ANOS1: variants seen among roughly 807,000 people sequenced by gnomAD.
ANOS1 encodes the protein anosmin 1, also known as anosmin-1.
ANOS1 carries 6 observed loss-of-function variants against 59.0 expected under a neutral mutation model. The observed-to-expected ratio is 0.10, with a 90% confidence interval of 0.06 to 0.20. ANOS1 has a LOEUF of 0.20. ANOS1 is among the 10% of genes least tolerant of loss of function. The pLI is 1.00. For synonymous variants in ANOS1, 217 were observed against 223.4 expected (o/e 0.97, Z 0.25); for missense variants, 433 against 542.3 (o/e 0.80, Z 2.00).
chrX:8,667,961 G>A (rs1431973414), intron 2 of ANOS1, among the ~76,000 whole-genome samples: 2 of 111,412 alleles, frequency 1.8e-5, no homozygotes, highest in African/African-American at 6.5e-5. Context: ...TTTTGTAGAA[G>A]TGCAATGAGG....
intron 9 of ANOS1, among the ~76,000 whole-genome samples, chrX:8,548,683 T>C (rs1362905066): frequency 1.8e-5 from 2 of 112,310 alleles, no homozygotes; most frequent in Non-Finnish European, 3.7e-5. Context: ...CTGTCAACTG[T>C]TGAAGGCCAC....
At chrX:8,703,480 G>A (rs1932766642) in intron 1 of ANOS1, among the ~76,000 whole-genome samples, 1 of 112,037 alleles carries the variant, frequency 8.9e-6, no homozygotes, top group African/African-American at 3.2e-5. Flanking sequence ...CCCACAAAAT[G>A]ACATAAGCTT....
intron 9 of ANOS1, among the ~76,000 whole-genome samples, 180 bp from the exon 10 acceptor site, chrX:8,539,938 A>T (rs1929655886): frequency 9.4e-6 from 1 of 106,639 alleles, no homozygotes; most frequent in Non-Finnish European, 1.9e-5. Context: ...AATAATTAGT[A>T]ATTCTGAATA....
chrX:8,640,596 A>C (rs1368304115), intron 2 of ANOS1, among the ~76,000 whole-genome samples: 2 of 110,111 alleles, frequency 1.8e-5, no homozygotes, highest in Admixed American at 1.9e-4. Context: ...CTGTACAAAA[A>C]AAAAAAAAAA....
At chrX:8,578,889 A>G (rs1055660412) in intron 6 of ANOS1, among the ~76,000 whole-genome samples, 7 of 112,139 alleles carry the variant, frequency 6.2e-5, no homozygotes, top group African/African-American at 1.9e-4. Context: ...ACAATCCACA[A>G]AATCAGAACT....
intron 3 of ANOS1, among the ~76,000 whole-genome samples, chrX:8,604,280 G>A (rs998971691): frequency 4.5e-5 from 5 of 111,076 alleles, no homozygotes; most frequent in Non-Finnish European, 9.4e-5. Context: ...TGATGTCTTG[G>A]GTGAACTTCT....
chrX:8,554,260 T>C (rs1277994381), intron 8 of ANOS1, among the ~76,000 whole-genome samples, 162 bp from the exon 9 acceptor site: 2 of 110,909 alleles, frequency 1.8e-5, no homozygotes, highest in African/African-American at 6.6e-5. Flanking sequence ...CTCATCTCAT[T>C]AGGACTGGTT....
intron 9 of ANOS1, among the ~76,000 whole-genome samples, chrX:8,546,237 C>G (rs188289492): frequency 1.9e-3 from 211 of 111,912 alleles, no homozygotes; most frequent in African/African-American, 6.1e-3. Context: ...TTCTGTAGAT[C>G]ATGTGGTGAG....
At chrX:8,685,840 T>C (rs946621787) in intron 2 of ANOS1, among the ~76,000 whole-genome samples, 8 of 111,579 alleles carry the variant, frequency 7.2e-5, no homozygotes, top group Admixed American at 6.6e-4. Flanking sequence ...AAAGACCCAG[T>C]TGAGAGAAGT....
At chrX:8,568,404 T>C in intron 7 of ANOS1, 28 bp from the exon 8 acceptor site, 1 of 1,188,438 alleles carries the variant, frequency 8.4e-7, no homozygotes, top group Non-Finnish European at 1.1e-6. Flanking sequence ...ATACCCAAAA[T>C]GCGTTACAAA....
intron 4 of ANOS1, among the ~76,000 whole-genome samples, chrX:8,595,974 G>A (rs746016222): frequency 1.8e-5 from 2 of 111,221 alleles, no homozygotes; most frequent in African/African-American, 3.3e-5. Context: ...TGAATTACAC[G>A]TGAGGGATCT....
intron 2 of ANOS1, among the ~76,000 whole-genome samples, chrX:8,671,157 T>C (rs978142222): frequency 1.8e-5 from 2 of 111,762 alleles, no homozygotes; most frequent in African/African-American, 6.5e-5. Context: ...CTGCACTTTA[T>C]ACAGAATATA....
chrX:8,628,232 C>T (rs1931429025), intron 2 of ANOS1, among the ~76,000 whole-genome samples: 1 of 111,750 alleles, frequency 8.9e-6, no homozygotes, highest in African/African-American at 3.3e-5. Flanking sequence ...AGAAGCTACC[C>T]TATATGGTCT....
chrX:8,645,731 C>T (rs1220104701), intron 2 of ANOS1, among the ~76,000 whole-genome samples: 8 of 111,905 alleles, frequency 7.1e-5, no homozygotes, highest in Non-Finnish European at 1.3e-4. Flanking sequence ...AAGCGATTCT[C>T]CCACCTCAGC....
intron 2 of ANOS1, among the ~76,000 whole-genome samples, chrX:8,680,946 A>G (rs1325821530): frequency 1.8e-5 from 2 of 111,906 alleles, no homozygotes; most frequent in African/African-American, 6.5e-5. Context: ...GTAAGTTTCC[A>G]TTTGTAAAAA....
chrX:8,674,700 G>C (rs1932308712), intron 2 of ANOS1, among the ~76,000 whole-genome samples: 1 of 112,658 alleles, frequency 8.9e-6, no homozygotes, highest in Non-Finnish European at 1.9e-5. Context: ...CAAGGGCCAT[G>C]GGTTGGACAC....
In ANOS1 at chrX:8,625,039, G is replaced by A. The variant is rs6640196; in HGVS notation, c.256-1369C>T. ...CAGGAGAATCACTTGAACCCAGGAGGTAGAGGTTGCAGTGAGCCGAGATCG... is the reference window on the plus strand; with the variant it reads ...CAGGAGAATCACTTGAACCCAGGAGATAGAGGTTGCAGTGAGCCGAGATCG... On this transcript the variant is annotated intron_variant, in intron 2 of 13. Coordinates refer to ENST00000262648, the MANE Select transcript of ANOS1 (RefSeq NM_000216.4). Among the ~76,000 whole-genome samples, 5 of 110,668 alleles carry A rather than the reference G, an allele frequency of 4.5e-5. No individual in the cohort carries two copies. The East Asian group carries it at 1.4e-3, about 31-fold the overall frequency.
rs751668763 is a variant in ANOS1 at position 8,585,338 on chromosome X, C to T, written c.785G>A (p.Arg262Gln). The T allele has an allele frequency of 1.4e-5, 17 of 1,210,655 alleles. No homozygotes were observed. Among genetic ancestry groups the T allele is most frequent in the Admixed American group, 1.1e-4 (5 of 46,046 alleles). ...DIRPSRWYQFRVAAVNVHGTR... is the reference protein window; with the variant it reads ...DIRPSRWYQFQVAAVNVHGTR... Reference sequence around the variant, plus strand: ...TCCATGCACATTCACAGCAGCCACTCGAAACTGGTACCATCGGCTGGGTCT... The same window carrying T: ...TCCATGCACATTCACAGCAGCCACTTGAAACTGGTACCATCGGCTGGGTCT... Residue 262 changes from arginine (R) to glutamine (Q), a missense_variant, in exon 6 of 14, where the codon CGA (arginine) becomes CAA (glutamine). Physicochemically the swap from Arg to Gln is conservative, Grantham distance 43. Transcript: ENST00000262648.
chrX:8,638,418 C>A (rs5934467), intron 2 of ANOS1, among the ~76,000 whole-genome samples: 1 of 112,239 alleles, frequency 8.9e-6, no homozygotes, highest in Non-Finnish European at 1.9e-5. Flanking sequence ...CACATCTATG[C>A]ATTGGGCAAT....
Sources: allele counts gnomAD v4.1 joint callset (sites outside exome capture counted in the v4.1 genomes callset), GRCh38; gene constraint gnomAD v4.1.1; transcripts MANE v1.5; gene names NCBI Gene and HGNC (gene_info 2026-07-23, HGNC 2026-07-21).